Variants in INVS observed in about 807,000 individuals in gnomAD.
INVS encodes the protein inversion of embryo turning homolog.
In INVS, 86 loss-of-function variants were observed where a neutral mutation model predicts 108.8. The observed-to-expected ratio is 0.79, with a 90% CI of 0.66 to 0.95. The LOEUF is 0.95. Ranked by LOEUF, INVS falls within the 40% of genes least tolerant of loss-of-function variation. The probability of loss-of-function intolerance (pLI) is 0.00; values close to 1 mark genes in which losing one functional copy is unlikely to be tolerated. For missense variants in INVS, 1,169 were observed against 1,297.4 expected (o/e 0.90, Z 1.52); for synonymous variants, 455 against 473.5 (o/e 0.96, Z 0.51).
At chr9:100,106,462 A>G (rs1827186122) in intron 2 of INVS, among the ~76,000 whole-genome samples, 1 of 152,024 alleles carries the variant, frequency 6.6e-6, no homozygotes, top group African/African-American at 2.4e-5. Context: ...AGGTATTGCC[A>G]TTTTCAACTT....
intron 3 of INVS, among the ~76,000 whole-genome samples, chr9:100,165,219 C>T (rs1402860185): frequency 6.6e-6 from 1 of 151,894 alleles, no homozygotes; most frequent in Non-Finnish European, 1.5e-5. Flanking sequence ...GGGTATTTAT[C>T]ACCTCAAGCA....
chr9:100,200,506 C>A (rs1830503683), intron 3 of INVS, among the ~76,000 whole-genome samples: 1 of 152,146 alleles, frequency 6.6e-6, no homozygotes, highest in Admixed American at 6.5e-5. Context: ...TTCCCTTAGT[C>A]TAGTTGAATC....
At chr9:100,198,803 G>C (rs35982519) in intron 3 of INVS, among the ~76,000 whole-genome samples, 1,689 of 151,950 alleles carry the variant, frequency 0.011, 16 homozygotes, top group African/African-American at 0.017. Flanking sequence ...ATGTTGGCCA[G>C]GATGGTCTCA....
At position 100,252,300 on chromosome 9, in the gene INVS, C is replaced by T. The variant is rs1473276881; in HGVS notation, c.1096C>T (p.Leu366Phe). 2 of 1,614,056 alleles carry T rather than the reference C, an allele frequency of 1.2e-6. No homozygotes were observed. The highest frequency in any genetic ancestry group is 1.7e-5 in the Admixed American group (1 of 60,024). Residue 366 changes from leucine to phenylalanine, a missense_variant, in exon 9 of 17, where the codon CTT (leucine) becomes TTT (phenylalanine). This residue lies in a region of INVS where 271 missense variants were observed against 363.8 expected (regional missense o/e 0.74). Transcript: ENST00000262457. ...YGGTALHAAA[L>F]SGHVSTVKLL... Reference sequence around the variant, plus strand: ...CCTTTTAGCTTTGCATGCTGCTGCTCTTTCTGGCCATGTCAGCACCGTGAA... The same window carrying T: ...CCTTTTAGCTTTGCATGCTGCTGCTTTTTCTGGCCATGTCAGCACCGTGAA...
At chr9:100,101,476 T>C (rs976875446) in intron 1 of INVS, 3 of 152,140 alleles carry the variant, frequency 2.0e-5, no homozygotes, top group African/African-American at 7.2e-5. Flanking sequence ...CTGACATGAC[T>C]GTTAGACTCA....
At chr9:100,214,733 T>C (rs1250234204) in intron 3 of INVS, among the ~76,000 whole-genome samples, 1 of 152,216 alleles carries the variant, frequency 6.6e-6, no homozygotes, top group Admixed American at 6.5e-5. Flanking sequence ...AATTTTTCTG[T>C]TTCATAGCAA....
intron 4 of INVS, 134 bp downstream of exon 4, chr9:100,226,369 C>T: frequency 1.4e-6 from 1 of 698,210 alleles, no homozygotes; most frequent in South Asian, 1.9e-5. Context: ...CTCCATACAT[C>T]TCAGGGAAGT....
intron 3 of INVS, among the ~76,000 whole-genome samples, chr9:100,135,073 G>A (rs184651830): frequency 1.1e-4 from 17 of 152,184 alleles, no homozygotes; most frequent in African/African-American, 3.1e-4. Flanking sequence ...GTTCTGGATC[G>A]GTGTGTGTGT....
rs1297476372 is a variant in INVS, at chr9:100,161,499, C to T, written c.273+34950C>T. 2.6e-5 allele frequency among the ~76,000 whole-genome samples: 4 copies of T among 151,190 alleles called. No individual in the cohort carries two copies. In the East Asian group the frequency reaches 7.8e-4, roughly 29 times the overall value. ...ATAATTCGTTCCTTAGGAGAACTCA[C>T]GAAAGGTAGGAAATTGAGGAAATTT... is the stretch of plus-strand genomic sequence containing the variant. On this transcript the variant is annotated intron_variant, in intron 3 of 16. Transcript: ENST00000262457.
In INVS at chr9:100,266,770, G is replaced by C. The variant is rs72733355; in HGVS notation, c.1571+1842G>C. On this transcript the variant is annotated intron_variant, in intron 11 of 16. Transcript: ENST00000262457. Reference sequence around the variant, plus strand: ...GCCTCTGACAATCCCTCTGACCTAGGTCTTTGTGTTAGTTTTCATGTTTCA... The same window carrying C: ...GCCTCTGACAATCCCTCTGACCTAGCTCTTTGTGTTAGTTTTCATGTTTCA... 6.0e-3 allele frequency among the ~76,000 whole-genome samples: 916 copies of C among 152,018 alleles called. 8 individuals are homozygous for C. Among genetic ancestry groups the C allele is most frequent in the South Asian group, 0.026 (124 of 4,808 alleles).
intron 5 of INVS, among the ~76,000 whole-genome samples, chr9:100,235,761 TA>T (rs1305085899): frequency 3.9e-5 from 6 of 152,216 alleles, no homozygotes; most frequent in African/African-American, 1.4e-4. Context: ...GGTTTCCCTT[TA>T]AGGGTAACCT....
chr9:100,183,866 T>C (rs2119081426), intron 3 of INVS, among the ~76,000 whole-genome samples: 1 of 151,616 alleles, frequency 6.6e-6, no homozygotes, highest in East Asian at 1.9e-4. Context: ...TATTTTTTCT[T>C]AATTTCTTTA....
At chr9:100,280,965 C>T (rs1441603321) in intron 12 of INVS, among the ~76,000 whole-genome samples, 1 of 152,090 alleles carries the variant, frequency 6.6e-6, no homozygotes, top group African/African-American at 2.4e-5. Context: ...TTCAAGGTTA[C>T]AATGAGCTAT....
chr9:100,115,467 A>G (rs1215881950), intron 2 of INVS, among the ~76,000 whole-genome samples: 1 of 151,146 alleles, frequency 6.6e-6, no homozygotes, highest in African/African-American at 2.4e-5. Flanking sequence ...CCCCGACCCC[A>G]CAACAGGCCC....
intron 1 of INVS, chr9:100,101,611 T>TG (rs1407344944): frequency 6.6e-5 from 10 of 152,158 alleles, no homozygotes; most frequent in Admixed American, 5.9e-4. Flanking sequence ...AGTATTAATA[T>TG]GTTCTCTCAA....
chr9:100,293,698 T>C (rs893945584), intron 14 of INVS, among the ~76,000 whole-genome samples: 4 of 152,166 alleles, frequency 2.6e-5, no homozygotes, highest in Non-Finnish European at 5.9e-5. Context: ...ACTCCCAATA[T>C]AGTAGAGACA....
At chr9:100,182,923 C>T (rs1484006848) in intron 3 of INVS, among the ~76,000 whole-genome samples, 1 of 152,184 alleles carries the variant, frequency 6.6e-6, no homozygotes, top group East Asian at 1.9e-4. Flanking sequence ...GGCACATATA[C>T]ACCATGGAAT....
intron 2 of INVS, among the ~76,000 whole-genome samples, chr9:100,116,010 T>G (rs1827509638): frequency 6.6e-6 from 1 of 152,236 alleles, no homozygotes; most frequent in African/African-American, 2.4e-5. Flanking sequence ...AGATGATATC[T>G]CATTGTGGTT....
intron 3 of INVS, among the ~76,000 whole-genome samples, chr9:100,157,119 G>A (rs1034338887): frequency 2.0e-5 from 3 of 150,984 alleles, no homozygotes; most frequent in Non-Finnish European, 4.4e-5. Context: ...AGGGTATACT[G>A]TTAACTGAAA....
Sources: allele counts gnomAD v4.1 joint callset (sites outside exome capture counted in the v4.1 genomes callset), GRCh38; gene constraint gnomAD v4.1.1; regional missense constraint gnomAD v4.1.1; transcripts MANE v1.5; gene names NCBI Gene and HGNC (gene_info 2026-07-23, HGNC 2026-07-21).